NECTIN3: variants seen among roughly 807,000 people sequenced by gnomAD.
NECTIN3 encodes the protein nectin-3.
A neutral mutation model predicts 49.4 loss-of-function variants in NECTIN3; 8 were observed. The ratio of observed to expected loss-of-function variants is 0.16; its 90% CI spans 0.10 to 0.29. NECTIN3 has a LOEUF of 0.29. Among genes scored for constraint, NECTIN3 ranks in the 10% least tolerant of loss-of-function variants. The probability of loss-of-function intolerance (pLI) is 1.00; values close to 1 mark genes in which losing one functional copy is unlikely to be tolerated. For missense variants in NECTIN3, 581 were observed against 654.6 expected, an observed-to-expected ratio of 0.89 and a Z score of 1.23; for synonymous variants, 277 against 241.1, an observed-to-expected ratio of 1.15 and a Z score of -1.38.
At position 111,117,851 on chromosome 3, in the gene NECTIN3, G is replaced by GAGT. The variant is rs536683090; in HGVS notation, c.503-802_503-800dup. Among the ~76,000 whole-genome samples, 5 of 152,240 alleles carry GAGT rather than the reference G, an allele frequency of 3.3e-5. No individual in the cohort carries two copies. In the South Asian group the frequency reaches 1.0e-3, roughly 32 times the overall value. On this transcript the variant is annotated intron_variant, in intron 2 of 5. Transcript: ENST00000485303. ...AGATAGCTAAGAGATATTGGGGGCA[G>GAGT]AGTAGATTGAGAGGTTCTAACATTG...
intron 1 of NECTIN3, among the ~76,000 whole-genome samples, chr3:111,081,928 A>G (rs1452181798): frequency 6.6e-6 from 1 of 152,248 alleles, no homozygotes; most frequent in Non-Finnish European, 1.5e-5. Flanking sequence ...TGTGGAGTCC[A>G]TCCATGACTT....
intron 6 of NECTIN3, among the ~76,000 whole-genome samples, chr3:111,145,704 G>A (rs2034857422): frequency 6.6e-6 from 1 of 152,124 alleles, no homozygotes; most frequent in African/African-American, 2.4e-5. Context: ...ACCTCACATG[G>A]TTGAGATGAT....
chr3:111,160,075 T>C (rs1458285621), intron 7 of NECTIN3, among the ~76,000 whole-genome samples: 1 of 152,206 alleles, frequency 6.6e-6, no homozygotes, highest in Admixed American at 6.5e-5. Flanking sequence ...CTCTATTTCA[T>C]TGAACTCTAA....
intron 1 of NECTIN3, among the ~76,000 whole-genome samples, chr3:111,078,278 T>A (rs934132772): frequency 4.6e-5 from 7 of 152,152 alleles, no homozygotes. Flanking sequence ...CTGAAGGGCT[T>A]GGTTTAAGAT....
At chr3:111,121,933 C>G (rs1482049878) in intron 3 of NECTIN3, among the ~76,000 whole-genome samples, 188 bp from the exon 4 acceptor site, 1 of 152,074 alleles carries the variant, frequency 6.6e-6, no homozygotes, top group Non-Finnish European at 1.5e-5. Flanking sequence ...TACTCATTCT[C>G]CATTTTATTC....
At position 111,173,360 on chromosome 3, in the gene NECTIN3, G is replaced by T. The variant is rs72937958; in HGVS notation, c.1222-18991G>T. Among the ~76,000 whole-genome samples, 17 of 152,202 alleles carry T rather than the reference G, an allele frequency of 1.1e-4. No individual in the cohort carries two copies. The East Asian group carries it at 3.3e-3, about 29-fold the overall frequency. On this transcript the variant is annotated intron_variant, in intron 7 of 8. Transcript: ENST00000493615. ...CTGGATCTTTTACCTGTAATCATAC[G>T]TGATTTTTTCAGTCAAGATCCTCTG... is the stretch of plus-strand genomic sequence containing the variant.
chr3:111,119,041 G>T, intron 3 of NECTIN3, 89 bp downstream of exon 3: 3 of 1,151,074 alleles, frequency 2.6e-6, no homozygotes, highest in South Asian at 1.8e-5. Context: ...GCTTTTCCTT[G>T]TTTTTGTTTT....
chr3:111,141,827 A>G (rs752869512), downstream of NECTIN3, among the ~76,000 whole-genome samples: 1 of 151,872 alleles, frequency 6.6e-6, no homozygotes, highest in Non-Finnish European at 1.5e-5. Flanking sequence ...ACATCTCCTT[A>G]GGTCGATGGT....
intron 1 of NECTIN3, among the ~76,000 whole-genome samples, chr3:111,105,409 A>G (rs947664040): frequency 2.1e-4 from 32 of 152,292 alleles, no homozygotes; most frequent in African/African-American, 7.5e-4. Context: ...TTTAAATTAC[A>G]GATGTGAGCC....
Position 111,072,149 on chromosome 3 carries a change from C to A in NECTIN3, c.132C>A (p.Phe44Leu), listed in dbSNP as rs1382555236. 6 of 1,552,028 alleles carry A rather than the reference C, an allele frequency of 3.9e-6. No individual in the cohort carries two copies. The African/African-American group carries it at 4.1e-5, about 11-fold the overall frequency. The change falls in exon 1 of 6, where the codon TTC becomes TTA. Residue 44 changes from phenylalanine to leucine, a missense_variant. Phe to Leu is a conservative substitution (Grantham distance 22, BLOSUM62 0). Around this residue, in one of 3 missense-constraint regions of NECTIN3, gnomAD observed 109 missense variants for 69.1 expected, o/e 1.58. Transcript: ENST00000485303. ...PTPPPLLLLL[F>L]PLLLFSRLCG... ...CACCTCCGCTGCTGCTGCTGCTCTT[C>A]CCGCTGCTGCTCTTCTCCAGGCTCT...
intron 1 of NECTIN3, chr3:111,077,393 G>C (rs2031291622): frequency 4.2e-6 from 1 of 236,808 alleles, no homozygotes; most frequent in Non-Finnish European, 8.4e-6. Flanking sequence ...TAGGTTGGCT[G>C]TTGCACCCAA....
intron 7 of NECTIN3, among the ~76,000 whole-genome samples, chr3:111,150,417 C>G (rs1486497369): frequency 1.3e-5 from 2 of 151,784 alleles, no homozygotes; most frequent in African/African-American, 4.8e-5. Context: ...TGTATAAGAA[C>G]ACATGTCAGT....
At chr3:111,143,726 G>A (rs578009261) in intron 5 of NECTIN3, among the ~76,000 whole-genome samples, 42 of 151,992 alleles carry the variant, frequency 2.8e-4, no homozygotes, top group African/African-American at 8.9e-4. Flanking sequence ...ATTAGTCGGC[G>A]TTATATATGT....
At chr3:111,132,107 G>T (rs546044563) in intron 5 of NECTIN3, among the ~76,000 whole-genome samples, 46 of 151,796 alleles carry the variant, frequency 3.0e-4, no homozygotes, top group Non-Finnish European at 3.7e-4. Context: ...TTCTATATTA[G>T]ACATGATCCT....
chr3:111,111,957 G>A, intron 1 of NECTIN3, 73 bp from the exon 2 acceptor site: 1 of 855,186 alleles, frequency 1.2e-6, no homozygotes, highest in Non-Finnish European at 1.8e-6. Flanking sequence ...TTACACAGGG[G>A]GTCAGGAAGG....
intron 7 of NECTIN3, among the ~76,000 whole-genome samples, chr3:111,158,355 T>TTACGGAAGG (rs1446042947): frequency 1.3e-5 from 2 of 152,088 alleles, no homozygotes; most frequent in Admixed American, 6.5e-5. Context: ...CATTGGCACT[T>TTACGGAAGG]TACGGAAGGT....
chr3:111,181,758 G>A (rs1216671778), intron 7 of NECTIN3, among the ~76,000 whole-genome samples: 1 of 151,784 alleles, frequency 6.6e-6, no homozygotes, highest in Admixed American at 6.6e-5. Flanking sequence ...ATATTGATTT[G>A]TGTTTTCTCT....
rs190727299 is a variant in NECTIN3, at chr3:111,088,143, A to G, written c.160+15966A>G. Among the ~76,000 whole-genome samples, 55 of 152,164 alleles carry G rather than the reference A, an allele frequency of 3.6e-4. No homozygotes were observed. The East Asian group carries it at 9.9e-3, about 27-fold the overall frequency. ...GCAGGGCAGATCCCCTCATGAATAG[A>G]GTAATGCCCTCCCTGGGGTGGTAGA... On this transcript the variant is annotated intron_variant, in intron 1 of 5. Transcript: ENST00000485303.
chr3:111,158,314 C>T (rs975993264), intron 7 of NECTIN3, among the ~76,000 whole-genome samples: 1 of 151,968 alleles, frequency 6.6e-6, no homozygotes. Flanking sequence ...AAAGGAAATG[C>T]TTAGCTTTAT....
Sources: gnomAD v4.1 joint callset for allele counts (sites outside exome capture counted in the v4.1 genomes callset) on GRCh38, gnomAD v4.1.1 for gene constraint, gnomAD v4.1.1 regional missense constraint, MANE v1.5 for transcripts, NCBI Gene and HGNC (gene_info 2026-07-23, HGNC 2026-07-21) for gene names.